LUZP2: variants seen among roughly 807,000 people sequenced by gnomAD.
The protein encoded by LUZP2 is leucine zipper protein 2.
A neutral mutation model predicts 51.6 loss-of-function variants in LUZP2; 52 were observed. The ratio of observed to expected loss-of-function variants is 1.01; its 90% CI spans 0.81 to 1.27. The LOEUF (loss-of-function observed/expected upper bound fraction) is 1.27, where lower values mean the gene tolerates loss of function less well. LUZP2 is among the 50% of genes most tolerant of loss of function. LUZP2 has a pLI of 0.00. For synonymous variants in LUZP2, 154 were observed against 137.3 expected, an observed-to-expected ratio of 1.12 and a Z score of -0.85; for missense variants, 436 against 395.4, an observed-to-expected ratio of 1.10 and a Z score of -0.87.
intron 7 of LUZP2, among the ~76,000 whole-genome samples, chr11:24,945,822 C>T (rs932931140): frequency 3.3e-5 from 5 of 149,908 alleles, no homozygotes; most frequent in African/African-American, 5.0e-5. Flanking sequence ...TTGAGATATA[C>T]TTATATAATA....
At chr11:24,552,279 C>G (rs1183219373) in intron 1 of LUZP2, among the ~76,000 whole-genome samples, 1 of 151,942 alleles carries the variant, frequency 6.6e-6, no homozygotes, top group Non-Finnish European at 1.5e-5. Flanking sequence ...TATATGTCAT[C>G]TGCAGAAACA....
chr11:24,973,582 C>T (rs1386987186), intron 7 of LUZP2, among the ~76,000 whole-genome samples: 1 of 151,816 alleles, frequency 6.6e-6, no homozygotes, highest in Non-Finnish European at 1.5e-5. Flanking sequence ...GCTTTTGGTG[C>T]TATAAATTTC....
intron 5 of LUZP2, among the ~76,000 whole-genome samples, chr11:24,838,985 C>T (rs2631478): frequency 0.16 from 23,653 of 151,416 alleles, 2,039 homozygotes; most frequent in African/African-American, 0.22. Context: ...TGTTAGCATT[C>T]ACATTCTAGG....
intron 8 of LUZP2, among the ~76,000 whole-genome samples, chr11:24,979,255 T>G (rs1855960402): frequency 6.6e-6 from 1 of 151,776 alleles, no homozygotes; most frequent in South Asian, 2.1e-4. Context: ...CTTCAGATCT[T>G]GTCACGCCTT....
At chr11:24,619,797 G>T (rs12365717) in intron 1 of LUZP2, among the ~76,000 whole-genome samples, 15 of 151,888 alleles carry the variant, frequency 9.9e-5, no homozygotes, top group Admixed American at 4.6e-4. Context: ...GCATTGTTTA[G>T]GGAATAATAA....
At chr11:24,897,604 ACT>A (rs1365827241) in intron 5 of LUZP2, among the ~76,000 whole-genome samples, 3 of 152,052 alleles carry the variant, frequency 2.0e-5, no homozygotes, top group African/African-American at 7.2e-5. Flanking sequence ...GAAGGAAGAA[ACT>A]CTGACCATGT....
At chr11:25,019,008 T>C (rs1163388096) in intron 9 of LUZP2, among the ~76,000 whole-genome samples, 5 of 152,244 alleles carry the variant, frequency 3.3e-5, no homozygotes, top group African/African-American at 9.6e-5. Flanking sequence ...GCTACCCTCC[T>C]CTCAACATGC....
chr11:24,849,727 T>C (rs1851326594), intron 5 of LUZP2, among the ~76,000 whole-genome samples: 1 of 152,192 alleles, frequency 6.6e-6, no homozygotes, highest in African/African-American at 2.4e-5. Flanking sequence ...TTTGAACTAA[T>C]TTACACTCCC....
intron 5 of LUZP2, among the ~76,000 whole-genome samples, chr11:24,836,314 T>C (rs1315645686): frequency 6.6e-6 from 1 of 151,912 alleles, no homozygotes; most frequent in African/African-American, 2.4e-5. Context: ...TATAAATAAT[T>C]ATGAAGTCTT....
chr11:24,962,304 G>T (rs2133882096), intron 7 of LUZP2, among the ~76,000 whole-genome samples: 1 of 152,308 alleles, frequency 6.6e-6, no homozygotes, highest in South Asian at 2.1e-4. Flanking sequence ...GAATCTGAAT[G>T]TTGGCCTGCC....
chr11:25,037,925 T>G, intron 9 of LUZP2, among the ~76,000 whole-genome samples: 1 of 152,120 alleles, frequency 6.6e-6, no homozygotes, highest in East Asian at 1.9e-4. Flanking sequence ...TGAAATCTGA[T>G]AACTACATGC....
intron 7 of LUZP2, among the ~76,000 whole-genome samples, chr11:24,969,935 C>T (rs1325356529): frequency 6.6e-6 from 1 of 152,086 alleles, no homozygotes; most frequent in East Asian, 1.9e-4. Context: ...CACGCATACA[C>T]TTTCTCTTTC....
chr11:24,810,487 C>A (rs1437857279), intron 5 of LUZP2, among the ~76,000 whole-genome samples: 1 of 152,056 alleles, frequency 6.6e-6, no homozygotes. Flanking sequence ...AAATATTAGG[C>A]CATTTAATTT....
intron 4 of LUZP2, among the ~76,000 whole-genome samples, chr11:24,756,363 C>A (rs1164573326): frequency 1.3e-5 from 2 of 152,142 alleles, no homozygotes; most frequent in Non-Finnish European, 2.9e-5. Flanking sequence ...TCAAATAAAT[C>A]TTTTCAAATA....
intron 7 of LUZP2, among the ~76,000 whole-genome samples, chr11:24,966,763 T>C (rs1291647062): frequency 1.4e-5 from 2 of 147,740 alleles, no homozygotes; most frequent in Non-Finnish European, 3.0e-5. Context: ...ATATTTTATA[T>C]ATATAGTGGA....
chr11:24,989,429 T>C (rs867768917), intron 9 of LUZP2, among the ~76,000 whole-genome samples: 2 of 152,034 alleles, frequency 1.3e-5, no homozygotes, highest in Non-Finnish European at 2.9e-5. Context: ...TCTTTAAAAT[T>C]TAGGATATCT....
At chr11:24,798,096 T>C (rs1590547165) in intron 5 of LUZP2, among the ~76,000 whole-genome samples, 1 of 152,194 alleles carries the variant, frequency 6.6e-6, no homozygotes, top group African/African-American at 2.4e-5. Flanking sequence ...TGATGCTCTG[T>C]AAAATACACA....
chr11:24,866,694 A>G (rs1261073875), intron 5 of LUZP2, among the ~76,000 whole-genome samples: 2 of 152,254 alleles, frequency 1.3e-5, no homozygotes, highest in Admixed American at 6.5e-5. Flanking sequence ...CTGCCAACAT[A>G]GTAGGTAACA....
intron 10 of LUZP2, among the ~76,000 whole-genome samples, chr11:25,072,735 C>T (rs932237555): frequency 9.9e-5 from 15 of 151,732 alleles, no homozygotes; most frequent in Admixed American, 5.3e-4. Flanking sequence ...AAGGGAGCTT[C>T]CCTAGAAGTA....
Sources: gnomAD v4.1 joint callset for allele counts (sites outside exome capture counted in the v4.1 genomes callset) on GRCh38, gnomAD v4.1.1 for gene constraint, MANE v1.5 for transcripts, NCBI Gene and HGNC (gene_info 2026-07-23, HGNC 2026-07-21) for gene names.